OS9: variants seen among roughly 807,000 people sequenced by gnomAD.
OS9 encodes the protein protein OS-9.
In OS9, 58 loss-of-function variants were observed where a neutral mutation model predicts 84.7. The observed-to-expected ratio is 0.68, with a 90% CI of 0.55 to 0.85. OS9 has a LOEUF of 0.85. Ranked by LOEUF, OS9 falls within the 40% of genes least tolerant of loss-of-function variation. The probability of loss-of-function intolerance (pLI) is 0.00; values close to 1 mark genes in which losing one functional copy is unlikely to be tolerated. For missense variants in OS9, 760 were observed against 850.9 expected, an observed-to-expected ratio of 0.89 and a Z score of 1.33; for synonymous variants, 278 against 320.8, an observed-to-expected ratio of 0.87 and a Z score of 1.43.
intron 5 of OS9, among the ~76,000 whole-genome samples, chr12:57,703,796 C>A (rs1256947366): frequency 6.6e-6 from 1 of 151,750 alleles, no homozygotes; most frequent in Admixed American, 6.6e-5. Flanking sequence ...CCATTGGATG[C>A]CTTTCATTTC....
chr12:57,720,590 C>A, intron 14 of OS9, 72 bp downstream of exon 14: 1 of 1,325,232 alleles, frequency 7.5e-7, no homozygotes, highest in Non-Finnish European at 1.1e-6. Flanking sequence ...GCCCCAGCCA[C>A]GCCATTGCTG....
At chr12:57,702,306 G>A (rs1954050051) in intron 5 of OS9, among the ~76,000 whole-genome samples, 1 of 152,082 alleles carries the variant, frequency 6.6e-6, no homozygotes, top group Non-Finnish European at 1.5e-5. Context: ...CCTGTTCTAG[G>A]TACTTCACAT....
intron 7 of OS9, 91 bp downstream of exon 7, chr12:57,716,284 G>A (rs528460099): frequency 1.4e-5 from 11 of 763,280 alleles, no homozygotes; most frequent in South Asian, 4.4e-5. Context: ...TGGGGTGGGG[G>A]GGGGTGGAAA....
intron 5 of OS9, 114 bp from the exon 6 acceptor site, chr12:57,715,646 A>G (rs1026789533): frequency 5.8e-6 from 4 of 691,276 alleles, no homozygotes; most frequent in Admixed American, 3.2e-5. Flanking sequence ...CCATATGCAC[A>G]GTGTATGCAC....
At chr12:57,707,198 A>G (rs1336799187) in intron 5 of OS9, among the ~76,000 whole-genome samples, 1 of 152,082 alleles carries the variant, frequency 6.6e-6, no homozygotes, top group Non-Finnish European at 1.5e-5. Flanking sequence ...TTATTAGTCC[A>G]ATAACCACCT....
At chr12:57,707,476 C>G (rs1954204656) in intron 5 of OS9, among the ~76,000 whole-genome samples, 1 of 152,154 alleles carries the variant, frequency 6.6e-6, no homozygotes, top group East Asian at 1.9e-4. Flanking sequence ...AGAGGGGGGA[C>G]ATGCCACAAC....
intron 2 of OS9, 24 bp from the exon 3 acceptor site, chr12:57,695,756 G>A (rs1953808084): frequency 1.3e-6 from 2 of 1,546,336 alleles, no homozygotes; most frequent in South Asian, 2.2e-5. Context: ...CCATCCCCCT[G>A]ATTGTTTATT....
intron 5 of OS9, among the ~76,000 whole-genome samples, chr12:57,705,686 C>T (rs1177580126): frequency 6.6e-6 from 1 of 152,076 alleles, no homozygotes; most frequent in East Asian, 1.9e-4. Flanking sequence ...CCACCACGCC[C>T]AGCTAATTAT....
chr12:57,694,565 G>A (rs1175523549), intron 1 of OS9, 185 bp from the exon 2 acceptor site: 17 of 710,884 alleles, frequency 2.4e-5, no homozygotes, highest in Non-Finnish European at 3.8e-5. Context: ...GAAACACCCG[G>A]ACTCCGCCCC....
intron 5 of OS9, among the ~76,000 whole-genome samples, chr12:57,712,757 C>T (rs1359981161): frequency 6.6e-6 from 1 of 152,004 alleles, no homozygotes. Flanking sequence ...GGCTGCACTA[C>T]TTGCATTCAG....
At chr12:57,712,464 G>A (rs1206338506) in intron 5 of OS9, among the ~76,000 whole-genome samples, 1 of 150,028 alleles carries the variant, frequency 6.7e-6, no homozygotes, top group Non-Finnish European at 1.5e-5. Flanking sequence ...ATTCCATTAT[G>A]GTCAGAGAAC....
intron 11 of OS9, 32 bp downstream of exon 11, chr12:57,718,453 C>T (rs778757661): frequency 1.9e-6 from 3 of 1,599,260 alleles, no homozygotes; most frequent in African/African-American, 2.7e-5. Flanking sequence ...GTTGCTTCCA[C>T]AGCCGCCTGG....
At chr12:57,709,921 C>T (rs1179068480) in intron 5 of OS9, among the ~76,000 whole-genome samples, 6 of 151,662 alleles carry the variant, frequency 4.0e-5, no homozygotes, top group Non-Finnish European at 2.9e-5. Context: ...GGCATGATCT[C>T]GGCTCACTGC....
intron 5 of OS9, among the ~76,000 whole-genome samples, chr12:57,701,913 C>T (rs1954038443): frequency 1.3e-5 from 2 of 152,156 alleles, no homozygotes; most frequent in African/African-American, 4.8e-5. Flanking sequence ...TGTCCTGCCT[C>T]AGCCTCCTGA....
At chr12:57,704,341 A>T (rs1270617590) in intron 5 of OS9, among the ~76,000 whole-genome samples, 1 of 152,122 alleles carries the variant, frequency 6.6e-6, no homozygotes, top group Non-Finnish European at 1.5e-5. Context: ...GTTCGAGACC[A>T]GCCTGGCCAA....
intron 9 of OS9, among the ~76,000 whole-genome samples, chr12:57,717,234 C>T (rs1954525803): frequency 1.3e-5 from 2 of 152,222 alleles, no homozygotes; most frequent in African/African-American, 4.8e-5. Flanking sequence ...TAGCATCCAT[C>T]TCTCCTACCA....
intron 1 of OS9, 130 bp downstream of exon 1, chr12:57,694,453 G>GGCA (rs1214012264): frequency 9.8e-7 from 1 of 1,015,696 alleles, no homozygotes; most frequent in Non-Finnish European, 1.5e-6. Context: ...TTGCTTTTAC[G>GGCA]GTGACCCCTG....
At chr12:57,696,231 C>T (rs753778743) in intron 4 of OS9, 44 bp from the exon 5 acceptor site, 2 of 1,476,264 alleles carry the variant, frequency 1.4e-6, no homozygotes, top group Admixed American at 3.5e-5. Context: ...TTCCTCTTTG[C>T]TATCTTTCTC....
chr12:57,715,642 G>A, intron 5 of OS9, 118 bp from the exon 6 acceptor site: 1 of 684,768 alleles, frequency 1.5e-6, no homozygotes, highest in Non-Finnish European at 2.4e-6. Flanking sequence ...AGTGCCATAT[G>A]CACAGTGTAT....
Sources: gnomAD v4.1 joint callset for allele counts (sites outside exome capture counted in the v4.1 genomes callset) on GRCh38, gnomAD v4.1.1 for gene constraint, MANE v1.5 for transcripts, NCBI Gene and HGNC (gene_info 2026-07-23, HGNC 2026-07-21) for gene names.